LAT2: variants seen among roughly 807,000 people sequenced by gnomAD.
The protein encoded by LAT2 is linker for activation of T cells family member 2.
Under a neutral mutation model 43.4 loss-of-function variants are expected in LAT2, and 23 were observed. The observed-to-expected ratio is 0.53, with a 90% CI of 0.38 to 0.75. The LOEUF (loss-of-function observed/expected upper bound fraction) is 0.75, where lower values mean the gene tolerates loss of function less well. Among genes scored for constraint, LAT2 ranks in the 30% least tolerant of loss-of-function variants. The pLI, the probability that LAT2 is intolerant of heterozygous loss-of-function variation, is 0.00. For missense variants in LAT2, 284 were observed against 310.2 expected, an observed-to-expected ratio of 0.92 and a Z score of 0.64; for synonymous variants, 128 against 123.2, an observed-to-expected ratio of 1.04 and a Z score of -0.26.
At chr7:74,215,265 C>G (rs1301658906) in intron 2 of LAT2, 1 of 153,002 alleles carries the variant, frequency 6.5e-6, no homozygotes, top group Non-Finnish European at 1.5e-5. Context: ...CTTCCCTGAC[C>G]TCCCTCCTCC....
chr7:74,216,936 T>G, intron 4 of LAT2, 72 bp downstream of exon 4: 29 of 1,293,176 alleles, frequency 2.2e-5, no homozygotes, highest in Middle Eastern at 1.9e-4. Context: ...AGGGAATTCC[T>G]AGCACCCCAT....
At chr7:74,213,585 C>T (rs782661326) in intron 1 of LAT2, among the ~76,000 whole-genome samples, 5 of 151,826 alleles carry the variant, frequency 3.3e-5, no homozygotes, top group Non-Finnish European at 5.9e-5. Flanking sequence ...CCACCACACC[C>T]GGCTAATTTT....
chr7:74,213,670 G>A (rs574079642), intron 1 of LAT2, among the ~76,000 whole-genome samples: 54 of 152,130 alleles, frequency 3.5e-4, no homozygotes, highest in Admixed American at 7.2e-4. Context: ...TGATCTGCCC[G>A]CCTTGGCCTC....
intron 10 of LAT2, among the ~76,000 whole-genome samples, chr7:74,223,105 C>T (rs953531144): frequency 6.6e-6 from 1 of 152,166 alleles, no homozygotes; most frequent in East Asian, 1.9e-4. Flanking sequence ...TAGAGATGAA[C>T]CCCTGAGGCT....
intron 10 of LAT2, 57 bp downstream of exon 10, chr7:74,221,749 A>G: frequency 6.8e-7 from 1 of 1,468,626 alleles, no homozygotes; most frequent in Non-Finnish European, 9.5e-7. Context: ...TCAGGGCAGA[A>G]GCCATACCTC....
chr7:74,226,177 A>C (rs1345125836), intron 13 of LAT2: 3 of 148,492 alleles, frequency 2.0e-5, no homozygotes, highest in African/African-American at 7.5e-5. Flanking sequence ...TATCACTGTC[A>C]CTCAGGCTGG....
At chr7:74,215,824 C>A in intron 2 of LAT2, 123 bp from the exon 3 acceptor site, 2 of 706,300 alleles carry the variant, frequency 2.8e-6, no homozygotes, top group Admixed American at 2.0e-5. Context: ...AGTGCAGGAG[C>A]GGGGAGGGGA....
chr7:74,215,825 G>C (rs2293757), intron 2 of LAT2, 122 bp from the exon 3 acceptor site: 4 of 711,998 alleles, frequency 5.6e-6, no homozygotes, highest in African/African-American at 5.2e-5. Flanking sequence ...GTGCAGGAGC[G>C]GGGAGGGGAG....
In LAT2 at chr7:74,228,641, A is replaced by T. The variant is rs181441622; in HGVS notation, c.*19-303A>T. Among the ~76,000 whole-genome samples, 4 of 146,520 alleles carry T rather than the reference A, an allele frequency of 2.7e-5. No individual in the cohort carries two copies. In the East Asian group the frequency reaches 8.1e-4, roughly 30 times the overall value. ...TCTACTAAAAATACAAAAAAAAAAA[A>T]AAAAAATTAGCTGGGCGTGGTGGCG... is the stretch of plus-strand genomic sequence containing the variant. On this transcript the variant is annotated intron_variant, in intron 13 of 13. Coordinates refer to ENST00000460943, the MANE Select transcript of LAT2 (RefSeq NM_032464.3).
At chr7:74,224,456 C>G (rs906091209) in intron 12 of LAT2, among the ~76,000 whole-genome samples, 183 bp from the exon 13 acceptor site, 3 of 152,208 alleles carry the variant, frequency 2.0e-5, no homozygotes, top group Non-Finnish European at 4.4e-5. Flanking sequence ...CATTCACCTG[C>G]TCTCACAGCA....
intron 1 of LAT2, among the ~76,000 whole-genome samples, chr7:74,212,454 G>C (rs1440723261): frequency 1.3e-5 from 2 of 151,376 alleles, no homozygotes; most frequent in African/African-American, 4.9e-5. Flanking sequence ...GCTAATTTTT[G>C]TATTTCTAGT....
chr7:74,224,520 G>T, intron 12 of LAT2, 119 bp from the exon 13 acceptor site: 1 of 834,846 alleles, frequency 1.2e-6, no homozygotes, highest in Non-Finnish European at 2.0e-6. Flanking sequence ...GCCAGGACCT[G>T]TCGGGCGTGG....
chr7:74,218,850 C>T (rs1802141179), intron 4 of LAT2, among the ~76,000 whole-genome samples: 1 of 151,916 alleles, frequency 6.6e-6, no homozygotes, highest in South Asian at 2.1e-4. Context: ...GCATGCGCCA[C>T]CATGCCCAGC....
At chr7:74,223,576 A>T in intron 10 of LAT2, 148 bp from the exon 11 acceptor site, 1 of 706,406 alleles carries the variant, frequency 1.4e-6, no homozygotes. Context: ...GCTCATCCAG[A>T]AGAAGGCTTG....
At chr7:74,228,165 TAAAAAA>T (rs34339569) in intron 13 of LAT2, among the ~76,000 whole-genome samples, 1 of 22,384 alleles carries the variant, frequency 4.5e-5, no homozygotes, top group Non-Finnish European at 1.1e-4. Context: ...AACTACGTCT[TAAAAAA>T]AAAAAAAAAA....
intron 1 of LAT2, among the ~76,000 whole-genome samples, chr7:74,212,563 T>C (rs880000373): frequency 6.6e-6 from 1 of 152,158 alleles, no homozygotes; most frequent in Non-Finnish European, 1.5e-5. Flanking sequence ...TGTGAGTCCC[T>C]GTACCCAGCC....
intron 13 of LAT2, among the ~76,000 whole-genome samples, chr7:74,227,030 G>A (rs1241059053): frequency 1.3e-5 from 2 of 149,094 alleles, no homozygotes; most frequent in African/African-American, 4.9e-5. Flanking sequence ...GGGAGGGAGG[G>A]AGGGAGATAG....
intron 13 of LAT2, chr7:74,225,209 A>G: frequency 6.4e-6 from 1 of 156,816 alleles, no homozygotes; most frequent in South Asian, 1.8e-4. Context: ...CCTGGCCAAC[A>G]TGGTGAAACT....
rs1801977571 is a variant in LAT2, at chr7:74,214,805, T to TTTG, written c.-218-16_-218-15insTGT. Reference sequence around the variant, plus strand: ...TATATATATATATTTTTTTTTTTTTTTGTATTTTTTTTGTAGAGATGGAAT... The same window carrying TTTG: ...TATATATATATATTTTTTTTTTTTTTTTGTGTATTTTTTTTGTAGAGATGGAAT... On this transcript the variant is annotated splice_polypyrimidine_tract_variant and intron_variant, in intron 1 of 13. Transcript: ENST00000460943. 8.5e-6 allele frequency: 1 copy of TTTG among 117,784 alleles called. No homozygotes were observed. The highest frequency in any genetic ancestry group is 1.6e-5 in the Non-Finnish European group (1 of 60,800). 7.3% of individuals were successfully genotyped at this position (117,784 alleles called of 1,614,324 possible).
Sources: gnomAD v4.1 joint callset for allele counts (sites outside exome capture counted in the v4.1 genomes callset) on GRCh38, gnomAD v4.1.1 for gene constraint, MANE v1.5 for transcripts, NCBI Gene and HGNC (gene_info 2026-07-23, HGNC 2026-07-21) for gene names.